HMGB1: variants seen among roughly 807,000 people sequenced by gnomAD.
The protein encoded by HMGB1 is high mobility group protein B1.
For synonymous variants in HMGB1, 81 were observed against 84.0 expected (o/e 0.96, Z 0.19); for missense variants, 79 against 253.5 (o/e 0.31, Z 4.67).
At chr13:30,474,670 G>A (rs933230047) in intron 1 of HMGB1, among the ~76,000 whole-genome samples, 7 of 151,868 alleles carry the variant, frequency 4.6e-5, no homozygotes, top group South Asian at 4.2e-4. Context: ...TTGGGAGGCC[G>A]AGGCAGAAGA....
chr13:30,521,659 A>G (rs1888241494), intron 1 of HMGB1, among the ~76,000 whole-genome samples: 1 of 152,216 alleles, frequency 6.6e-6, no homozygotes, highest in Non-Finnish European at 1.5e-5. Flanking sequence ...GCTATTATGA[A>G]TAATGCTGCT....
chr13:30,592,184 C>T (rs531104050), intron 1 of HMGB1, among the ~76,000 whole-genome samples: 1 of 135,258 alleles, frequency 7.4e-6, no homozygotes, highest in South Asian at 2.1e-4. Flanking sequence ...AAAAAAAAAA[C>T]ATTTTCCCCT....
In HMGB1 at chr13:30,528,919, C is replaced by T. The variant is rs550592752; in HGVS notation, c.-14-65225G>A. ...TGGCGGGCGCCTCTAGTCCCAGCTC[C>T]TTGGTAGGCTGAGGCAGGAGAATGG... On this transcript the variant is annotated intron_variant, in intron 1 of 4. Transcript: ENST00000405805. Among the ~76,000 whole-genome samples the T allele has an allele frequency of 8.7e-5, 13 of 150,126 alleles. No homozygotes were observed. The South Asian group carries it at 2.1e-3, about 24-fold the overall frequency.
intron 1 of HMGB1, among the ~76,000 whole-genome samples, chr13:30,538,902 T>C (rs980062258): frequency 6.6e-6 from 1 of 151,856 alleles, no homozygotes; most frequent in African/African-American, 2.4e-5. Context: ...TGTTTTGTTT[T>C]GTTTTGTTTT....
intron 1 of HMGB1, among the ~76,000 whole-genome samples, chr13:30,610,617 T>TTCATTTTA (rs1003219006): frequency 6.6e-6 from 1 of 152,214 alleles, no homozygotes; most frequent in African/African-American, 2.4e-5. Context: ...AGTAGATGTT[T>TTCATTTTA]TCATTTTATC....
chr13:30,475,585 A>G (rs1887077508), intron 1 of HMGB1, among the ~76,000 whole-genome samples: 1 of 149,066 alleles, frequency 6.7e-6, no homozygotes, highest in Non-Finnish European at 1.5e-5. Flanking sequence ...AGTTCCACCT[A>G]CTCACTCAGA....
At position 30,496,555 on chromosome 13, in the gene HMGB1, G is replaced by A. The variant is rs183808609; in HGVS notation, c.-14-32861C>T. Among the ~76,000 whole-genome samples the A allele has an allele frequency of 5.3e-5, 8 of 152,176 alleles. No homozygotes were observed. In the South Asian group the frequency reaches 6.2e-4, roughly 12 times the overall value. The stretch of plus-strand genomic sequence containing the variant: ...TCAAACAAAAACCTTACCTAAAAGC[G>A]TATAGGGGAATGGACCAAGAAAGCA... On this transcript the variant is annotated intron_variant, in intron 1 of 4. Coordinates refer to the HMGB1 transcript ENST00000405805.
chr13:30,465,953 G>C, upstream of HMGB1: 1 of 986,064 alleles, frequency 1.0e-6, no homozygotes, highest in Non-Finnish European at 1.2e-6. Context: ...CAGCCAGCGC[G>C]GCTCCTATTG....
At chr13:30,489,275 C>T (rs1238288044) in intron 1 of HMGB1, among the ~76,000 whole-genome samples, 1 of 152,140 alleles carries the variant, frequency 6.6e-6, no homozygotes, top group Non-Finnish European at 1.5e-5. Flanking sequence ...GCAGGACAGT[C>T]ACTTGAGCCC....
chr13:30,496,853 C>T (rs532127579), intron 1 of HMGB1, among the ~76,000 whole-genome samples: 5 of 152,112 alleles, frequency 3.3e-5, no homozygotes, highest in Non-Finnish European at 7.4e-5. Flanking sequence ...GACATTCCTT[C>T]CATCAGATCA....
chr13:30,506,677 C>T (rs1160335179), intron 1 of HMGB1, among the ~76,000 whole-genome samples: 1 of 152,192 alleles, frequency 6.6e-6, no homozygotes, highest in Non-Finnish European at 1.5e-5. Flanking sequence ...CTTCCCTTCT[C>T]TCCAGCTCTC....
chr13:30,549,604 G>C, intron 1 of HMGB1, among the ~76,000 whole-genome samples: 1 of 152,092 alleles, frequency 6.6e-6, no homozygotes, highest in South Asian at 2.1e-4. Context: ...TATGTTGCCC[G>C]GGCTAGTCTT....
In HMGB1 at chr13:30,457,419, A is replaced by G. The variant is rs570096121; in HGVS notation, c.*3938T>C. The G allele has an allele frequency of 6.6e-6, 1 of 152,206 alleles. No homozygotes were observed. Among genetic ancestry groups the G allele is most frequent in the African/African-American group, 2.4e-5 (1 of 41,456 alleles). 9.4% of individuals were successfully genotyped at this position (152,206 alleles called of 1,614,324 possible). A position where few individuals can be genotyped will look rare whatever the true frequency, so the allele number is the denominator to read the frequency against. On this transcript the variant is annotated 3_prime_UTR_variant, in exon 5 of 5. Coordinates refer to ENST00000341423, the MANE Select transcript of HMGB1 (RefSeq NM_002128.7). Reference sequence around the variant, plus strand: ...CTTCCTTCTTTTCAGTGGATGCCCAATAAATTCAACTATTTAAGCTAAGCA... The same window carrying G: ...CTTCCTTCTTTTCAGTGGATGCCCAGTAAATTCAACTATTTAAGCTAAGCA...
chr13:30,506,012 C>A (rs1887858441), intron 1 of HMGB1, among the ~76,000 whole-genome samples: 1 of 152,144 alleles, frequency 6.6e-6, no homozygotes, highest in Admixed American at 6.5e-5. Context: ...CAGGTGTGAG[C>A]CACTGCACCT....
chr13:30,534,089 C>T lies in HMGB1; in HGVS notation c.-14-70395G>A, dbSNP rs368381316. Among the ~76,000 whole-genome samples, 505 of 152,294 alleles carry T rather than the reference C, an allele frequency of 3.3e-3. 2 individuals are homozygous for T. The highest frequency in any genetic ancestry group is 0.012 in the African/African-American group (486 of 41,556). On this transcript the variant is annotated intron_variant, in intron 1 of 4. Transcript: ENST00000405805. ...ATGTTGGTAAGGCTGGTCTTGAACTCCCAACCTCAGGTGATCTGCCTGCCT... is the reference window on the plus strand; with the variant it reads ...ATGTTGGTAAGGCTGGTCTTGAACTTCCAACCTCAGGTGATCTGCCTGCCT...
intron 1 of HMGB1, among the ~76,000 whole-genome samples, chr13:30,482,953 ATT>A (rs33960064): frequency 0.014 from 2,010 of 143,140 alleles, 29 homozygotes; most frequent in Middle Eastern, 0.032. Context: ...AACACCAGCT[ATT>A]TTTTTTTTTT....
intron 1 of HMGB1, among the ~76,000 whole-genome samples, chr13:30,548,155 G>C (rs1379635596): frequency 6.6e-6 from 1 of 152,124 alleles, no homozygotes; most frequent in African/African-American, 2.4e-5. Context: ...ATCCCCACGT[G>C]TTGTGGGAGG....
chr13:30,561,433 G>A (rs1869947219), intron 1 of HMGB1, among the ~76,000 whole-genome samples: 1 of 152,224 alleles, frequency 6.6e-6, no homozygotes, highest in African/African-American at 2.4e-5. Flanking sequence ...TTGCAAAGGA[G>A]CCTGAGCAGC....
chr13:30,604,758 C>T (rs1357673530), intron 1 of HMGB1, among the ~76,000 whole-genome samples: 2 of 152,074 alleles, frequency 1.3e-5, no homozygotes, highest in East Asian at 1.9e-4. Flanking sequence ...CCTGGGTTCA[C>T]GCCATTCTCC....
Sources: allele counts gnomAD v4.1 joint callset (sites outside exome capture counted in the v4.1 genomes callset), GRCh38; gene constraint gnomAD v4.1.1; transcripts MANE v1.5; gene names NCBI Gene and HGNC (gene_info 2026-07-23, HGNC 2026-07-21).